NPAS3: variants seen among roughly 807,000 people sequenced by gnomAD.
NPAS3 encodes the protein neuronal PAS domain protein 3, also known as neuronal PAS domain-containing protein 3.
Under a neutral mutation model 73.1 loss-of-function variants are expected in NPAS3, and 14 were observed. The observed-to-expected ratio is 0.19, with a 90% CI of 0.13 to 0.30. The LOEUF is 0.30. NPAS3 is among the 10% of genes least tolerant of loss of function. The pLI, the probability that NPAS3 is intolerant of heterozygous loss-of-function variation, is 1.00. For missense variants in NPAS3, 1,096 were observed against 1,250.0 expected, an observed-to-expected ratio of 0.88 and a Z score of 1.86; for synonymous variants, 620 against 541.5, an observed-to-expected ratio of 1.14 and a Z score of -2.01.
At chr14:33,348,041 GGA>G (rs776498680) in intron 3 of NPAS3, among the ~76,000 whole-genome samples, 2 of 152,088 alleles carry the variant, frequency 1.3e-5, no homozygotes, top group Non-Finnish European at 2.9e-5. Context: ...TCCTGCAGGG[GGA>G]GAGAGGGTTG....
chr14:33,562,753 C>A (rs1167462121), intron 5 of NPAS3, among the ~76,000 whole-genome samples: 1 of 152,058 alleles, frequency 6.6e-6, no homozygotes, highest in Non-Finnish European at 1.5e-5. Context: ...GTTTTCAACC[C>A]AGTTTGAGTC....
At chr14:33,209,468 T>C (rs538629939) in intron 2 of NPAS3, among the ~76,000 whole-genome samples, 4 of 152,220 alleles carry the variant, frequency 2.6e-5, no homozygotes, top group African/African-American at 9.6e-5. Flanking sequence ...TTAGGGCAAG[T>C]GTAGGTACTG....
chr14:33,539,848 G>A (rs561597841), intron 4 of NPAS3, among the ~76,000 whole-genome samples: 1 of 152,188 alleles, frequency 6.6e-6, no homozygotes, highest in African/African-American at 2.4e-5. Context: ...GTTTGTCTTT[G>A]TTTGGTTGCT....
chr14:33,637,297 G>C lies in NPAS3; in HGVS notation c.559-38914G>C, dbSNP rs114240079. 8.1e-3 allele frequency among the ~76,000 whole-genome samples: 1,228 copies of C among 152,190 alleles called. 14 individuals carry two copies. Among genetic ancestry groups the C allele is most frequent in the African/African-American group, 0.027 (1,119 of 41,508 alleles). ...TGAAAAATGCAAAGCACTCACTCTGGCATATGATTTCTAATTTCATAATAA... is the reference window on the plus strand; with the variant it reads ...TGAAAAATGCAAAGCACTCACTCTGCCATATGATTTCTAATTTCATAATAA... On this transcript the variant is annotated intron_variant, in intron 5 of 11. Coordinates refer to ENST00000356141, the Ensembl canonical transcript of NPAS3.
chr14:33,151,587 T>A (rs729217), intron 2 of NPAS3, among the ~76,000 whole-genome samples: 85,579 of 152,094 alleles, frequency 0.56, 24,394 homozygotes, highest in East Asian at 0.71. Flanking sequence ...GAATTTATGT[T>A]ATATTTATGG....
In NPAS3 at chr14:32,948,089, G is replaced by C. The variant is rs182073406; in HGVS notation, c.50+8723G>C. On this transcript the variant is annotated intron_variant, in intron 1 of 11. Transcript: ENST00000356141. ...CTTCATTTAAACAGTCTGTTCATAA[G>C]AATCTCAGGAATCTCTTGCTACCAG... 6.6e-5 allele frequency among the ~76,000 whole-genome samples: 10 copies of C among 152,164 alleles called. No homozygotes were observed. In the East Asian group the frequency reaches 1.7e-3, roughly 26 times the overall value.
At chr14:33,754,459 C>T (rs1033502838) in intron 7 of NPAS3, among the ~76,000 whole-genome samples, 6 of 152,108 alleles carry the variant, frequency 3.9e-5, no homozygotes, top group Non-Finnish European at 4.4e-5. Context: ...ACCTCATGTT[C>T]GTGGAATGCT....
rs150987982 is a variant in NPAS3 at position 33,537,419 on chromosome 14, G to T, written c.469-22702G>T. 1.5e-3 allele frequency among the ~76,000 whole-genome samples: 230 copies of T among 152,278 alleles called. 1 individual carries two copies. The highest frequency in any genetic ancestry group is 4.8e-3 in the African/African-American group (200 of 41,556). ...GGTGGATTATTGTTAATGGTAAAGT[G>T]GTAAGTGGAGGTTTCAACACAGGCA... On this transcript the variant is annotated intron_variant, in intron 4 of 11. Transcript: ENST00000356141.
intron 1 of NPAS3, among the ~76,000 whole-genome samples, chr14:32,956,378 A>G (rs1369864763): frequency 6.6e-6 from 1 of 152,200 alleles, no homozygotes; most frequent in African/African-American, 2.4e-5. Flanking sequence ...TATAACACAA[A>G]TCTTTGCACT....
At chr14:33,300,021 T>G (rs2042465155) in intron 3 of NPAS3, among the ~76,000 whole-genome samples, 1 of 152,214 alleles carries the variant, frequency 6.6e-6, no homozygotes, top group Admixed American at 6.5e-5. Flanking sequence ...GATTTGCCAC[T>G]ATTTCAGGAA....
intron 4 of NPAS3, among the ~76,000 whole-genome samples, chr14:33,389,885 A>G (rs946607739): frequency 6.6e-6 from 1 of 152,156 alleles, no homozygotes; most frequent in Admixed American, 6.5e-5. Context: ...TTTTGACTTG[A>G]ACATTAAATA....
At chr14:33,068,459 G>A (rs547664805) in intron 2 of NPAS3, among the ~76,000 whole-genome samples, 2 of 152,190 alleles carry the variant, frequency 1.3e-5, no homozygotes, top group East Asian at 3.9e-4. Context: ...CACATTAATT[G>A]AGTACCTTCT....
intron 5 of NPAS3, among the ~76,000 whole-genome samples, chr14:33,654,242 C>T (rs2059081413): frequency 1.3e-5 from 2 of 151,390 alleles, no homozygotes; most frequent in Admixed American, 1.3e-4. Context: ...ATCAATTAAT[C>T]TCAGTTACAT....
At chr14:33,660,516 CA>C (rs748735349) in intron 5 of NPAS3, among the ~76,000 whole-genome samples, 4 of 152,094 alleles carry the variant, frequency 2.6e-5, no homozygotes, top group Non-Finnish European at 4.4e-5. Context: ...TTTCCATTTG[CA>C]AAAGGGTTTA....
chr14:33,128,362 C>A (rs1019843689), intron 2 of NPAS3, among the ~76,000 whole-genome samples: 5 of 152,080 alleles, frequency 3.3e-5, no homozygotes, highest in Non-Finnish European at 5.9e-5. Flanking sequence ...AGTTAAACTA[C>A]ATTGGAGGAA....
At chr14:33,336,614 G>C (rs1313981719) in intron 3 of NPAS3, among the ~76,000 whole-genome samples, 2 of 152,146 alleles carry the variant, frequency 1.3e-5, no homozygotes, top group Non-Finnish European at 2.9e-5. Flanking sequence ...TTTCCTTTTT[G>C]ATTAACTCAA....
chr14:32,939,725 G>A (rs954983689), intron 1 of NPAS3, among the ~76,000 whole-genome samples: 1 of 152,008 alleles, frequency 6.6e-6, no homozygotes, highest in Non-Finnish European at 1.5e-5. Context: ...CAGCGAGGGT[G>A]GGGGGCCGGG....
chr14:32,973,982 C>A (rs551856138), intron 1 of NPAS3, among the ~76,000 whole-genome samples: 4 of 152,096 alleles, frequency 2.6e-5, no homozygotes, highest in Non-Finnish European at 5.9e-5. Flanking sequence ...TTTCTAGAAA[C>A]GATTTGAAGT....
intron 5 of NPAS3, among the ~76,000 whole-genome samples, chr14:33,665,750 C>G (rs2059434229): frequency 6.6e-6 from 1 of 152,066 alleles, no homozygotes; most frequent in African/African-American, 2.4e-5. Context: ...CCGAATTAAA[C>G]CTCAGAAAAA....
Sources: gnomAD v4.1 joint callset for allele counts (sites outside exome capture counted in the v4.1 genomes callset) on GRCh38, gnomAD v4.1.1 for gene constraint, MANE v1.5 for transcripts, NCBI Gene and HGNC (gene_info 2026-07-23, HGNC 2026-07-21) for gene names.